NEB: variants seen among roughly 807,000 people sequenced by gnomAD.
The protein encoded by NEB is nebulin.
A neutral mutation model predicts 952.2 loss-of-function variants in NEB; 512 were observed. The observed-to-expected ratio is 0.54, with a 90% CI of 0.50 to 0.58. NEB has a LOEUF of 0.58. Among genes scored for constraint, NEB ranks in the 20% least tolerant of loss-of-function variants. The probability of loss-of-function intolerance (pLI) is 0.00; values close to 1 mark genes in which losing one functional copy is unlikely to be tolerated. For synonymous variants in NEB, 2,900 were observed against 3,149.8 expected, an observed-to-expected ratio of 0.92 and a Z score of 2.66; for missense variants, 8,428 against 9,231.1, an observed-to-expected ratio of 0.91 and a Z score of 3.56.
intron 165 of NEB, among the ~76,000 whole-genome samples, chr2:151,504,385 C>A (rs2067141233): frequency 6.6e-6 from 1 of 152,038 alleles, no homozygotes; most frequent in Non-Finnish European, 1.5e-5. Context: ...CAGCACAAAG[C>A]AAAATTAAAG....
chr2:151,565,888 T>G (rs1258813600), intron 114 of NEB, 68 bp from the exon 115 acceptor site: 11 of 1,061,258 alleles, frequency 1.0e-5, no homozygotes, highest in Non-Finnish European at 1.5e-5. Context: ...GAGGGCAGGT[T>G]ACAATTTTTT....
intron 55 of NEB, 49 bp from the exon 56 acceptor site, chr2:151,644,624 AAT>A: frequency 7.1e-7 from 1 of 1,403,274 alleles, no homozygotes; most frequent in Non-Finnish European, 1.0e-6. Flanking sequence ...CCCATAGACA[AAT>A]ATAGCATAAT....
At chr2:151,678,480 T>C (rs1460614001) in intron 32 of NEB, among the ~76,000 whole-genome samples, 1 of 152,220 alleles carries the variant, frequency 6.6e-6, no homozygotes, top group East Asian at 1.9e-4. Context: ...TATTCTTCCT[T>C]TGCATTTAGA....
chr2:151,672,807 C>T (rs2099316492), intron 36 of NEB, 127 bp from the exon 37 acceptor site: 2 of 768,046 alleles, frequency 2.6e-6, no homozygotes, highest in East Asian at 2.6e-5. Flanking sequence ...ATGCAAACCA[C>T]AACCCCCTCC....
intron 181 of NEB, 118 bp downstream of exon 181, chr2:151,489,853 G>T (rs546478649): frequency 2.4e-5 from 15 of 622,870 alleles, no homozygotes; most frequent in Middle Eastern, 2.8e-4. Flanking sequence ...TAATAAAAGA[G>T]CATTATATAA....
At chr2:151,493,093 A>G (rs1444793433) in intron 176 of NEB, 2 of 395,582 alleles carry the variant, frequency 5.1e-6, no homozygotes, top group African/African-American at 4.2e-5. Flanking sequence ...TAGGGGAAGG[A>G]AAACATTGGC....
intron 181 of NEB, among the ~76,000 whole-genome samples, chr2:151,488,571 A>C (rs903092627): frequency 2.0e-5 from 3 of 151,934 alleles, no homozygotes; most frequent in Non-Finnish European, 4.4e-5. Flanking sequence ...GCTTGAGTCC[A>C]TGAAGTCGAG....
chr2:151,624,382 A>C (rs2154045494), intron 71 of NEB, among the ~76,000 whole-genome samples: 1 of 152,282 alleles, frequency 6.6e-6, no homozygotes, highest in African/African-American at 2.4e-5. Context: ...GAGAGGATTA[A>C]GAGCTTCATT....
intron 4 of NEB, among the ~76,000 whole-genome samples, chr2:151,729,068 GAA>G (rs10712295): frequency 1.9e-4 from 29 of 150,988 alleles, no homozygotes; most frequent in African/African-American, 6.1e-4. Context: ...ATTTCACCTT[GAA>G]AAAAAAAAGA....
rs1262861131 is a variant in NEB, at chr2:151,570,115, A to G, written c.17396T>C (p.Ile5799Thr). 3.7e-6 allele frequency: 6 copies of G among 1,612,298 alleles called. No homozygotes were observed. The highest frequency in any genetic ancestry group is 4.2e-6 in the Non-Finnish European group (5 of 1,179,268). The change falls in exon 109 of 182, where the codon ATT (isoleucine) becomes ACT (threonine). Residue 5799 changes from isoleucine (I) to threonine (T), a missense_variant. By Grantham distance (89) the Ile-to-Thr change is moderately conservative. Transcript: ENST00000397345. ...WTCMPDQNDV[I>T]QAKKAYELQS... ...CAGTTCGTAGGCCTTCTTGGCCTGAATCACATCGTTCTGGTCGGGCATGCA... is the reference window on the plus strand; with the variant it reads ...CAGTTCGTAGGCCTTCTTGGCCTGAGTCACATCGTTCTGGTCGGGCATGCA...
rs543858018 is a variant in NEB at position 151,616,699 on chromosome 2, T to TAACAA, written c.11182-595_11182-591dup. Among the ~76,000 whole-genome samples the TAACAA allele has an allele frequency of 2.2e-3, 337 of 152,158 alleles. 5 individuals carry two copies. Among genetic ancestry groups the TAACAA allele is most frequent in the East Asian group, 1.3e-3 (7 of 5,188 alleles). ...ACAGAGTGAAACTATGTCTCAAACG[T>TAACAA]AACAAAACAAAACAAAACAGTATTT... On this transcript the variant is annotated intron_variant, in intron 75 of 181. Coordinates refer to ENST00000397345, the MANE Select transcript of NEB (RefSeq NM_001164508.2).
intron 135 of NEB, among the ~76,000 whole-genome samples, chr2:151,543,154 C>G (rs2094289437): frequency 6.6e-6 from 1 of 152,148 alleles, no homozygotes. Context: ...CTTTCATCAA[C>G]TAGAGCTCAG....
intron 53 of NEB, 70 bp downstream of exon 53, chr2:151,650,504 C>T: frequency 6.7e-7 from 1 of 1,492,744 alleles, no homozygotes; most frequent in East Asian, 2.3e-5. Context: ...TTCTGCTTCT[C>T]TTTGACTAAA....
intron 106 of NEB, 140 bp downstream of exon 106, chr2:151,576,011 A>G (rs2153807494): frequency 2.6e-6 from 2 of 764,714 alleles, no homozygotes; most frequent in East Asian, 2.7e-5. Context: ...ATTAATAAGC[A>G]AACCAAGACA....
At chr2:151,513,187 C>T (rs749535082) in intron 160 of NEB, among the ~76,000 whole-genome samples, 7 of 152,102 alleles carry the variant, frequency 4.6e-5, no homozygotes, top group African/African-American at 1.7e-4. Context: ...GCTAAGATGC[C>T]TAAAAACTGT....
At chr2:151,690,604 T>C (rs2099540905) in intron 24 of NEB, 123 bp downstream of exon 24, 2 of 769,880 alleles carry the variant, frequency 2.6e-6, no homozygotes, top group Non-Finnish European at 4.5e-6. Flanking sequence ...ATTAAACAAA[T>C]CTTGAAAAAT....
rs930220545 is a variant in NEB at position 151,724,164 on chromosome 2, T to C, written c.612+96A>G. On this transcript the variant is annotated intron_variant, in intron 8 of 181. Coordinates refer to ENST00000397345, the MANE Select transcript of NEB (RefSeq NM_001164508.2). ...GGCTACTCATAAAAAGATTGGGGAA[T>C]TGTATTCCAGATGATCAAGAGTTCA... 3.1e-6 allele frequency: 3 copies of C among 954,862 alleles called. No individual in the cohort carries two copies. In the African/African-American group the frequency reaches 4.9e-5, roughly 16 times the overall value. 59.1% of individuals were successfully genotyped at this position (954,862 alleles called of 1,614,324 possible). A position where few individuals can be genotyped will look rare whatever the true frequency, so the allele number is the denominator to read the frequency against.
At chr2:151,503,835 T>G (rs1447727177) in intron 165 of NEB, among the ~76,000 whole-genome samples, 1 of 152,204 alleles carries the variant, frequency 6.6e-6, no homozygotes, top group Non-Finnish European at 1.5e-5. Flanking sequence ...CATAGGATAC[T>G]CTATTCCTTC....
rs1327533816 is a variant in NEB at position 151,541,491 on chromosome 2, G to A, written c.20638C>T (p.Pro6880Ser). 2 of 1,613,498 alleles carry A rather than the reference G, an allele frequency of 1.2e-6. No individual in the cohort carries two copies. Among genetic ancestry groups the A allele is most frequent in the Non-Finnish European group, 8.5e-7 (1 of 1,179,580 alleles). ...CCTCGCTTGGCTCTTAAAAGATCAG[G>A]AGTATCAGGAACTGAAGTAAAGATT... ...KSIFTSVPDTPDLLRAKRGQK... is the reference protein window; with the variant it reads ...KSIFTSVPDTSDLLRAKRGQK... Residue 6880 changes from proline (P) to serine (S), a missense_variant, in exon 136 of 182, where the codon CCT (proline) becomes TCT (serine). By Grantham distance (74) the Pro-to-Ser change is moderately conservative. Transcript: ENST00000397345.
Sources: allele counts gnomAD v4.1 joint callset (sites outside exome capture counted in the v4.1 genomes callset), GRCh38; gene constraint gnomAD v4.1.1; transcripts MANE v1.5; gene names NCBI Gene and HGNC (gene_info 2026-07-23, HGNC 2026-07-21).